Variants in GPC5 observed in about 807,000 individuals in gnomAD.
GPC5 encodes glypican-5.
A neutral mutation model predicts 53.9 loss-of-function variants in GPC5; 47 were observed. That is an observed-to-expected ratio of 0.87 (90% confidence interval 0.69 to 1.11). The LOEUF (loss-of-function observed/expected upper bound fraction) is 1.11, where lower values mean the gene tolerates loss of function less well. GPC5 is among the 50% of genes most tolerant of loss of function. GPC5 has a pLI of 0.00. For synonymous variants in GPC5, 286 were observed against 263.3 expected, an observed-to-expected ratio of 1.09 and a Z score of -0.84; for missense variants, 748 against 713.1, an observed-to-expected ratio of 1.05 and a Z score of -0.56.
At chr13:92,372,096 T>C (rs917529944) in intron 7 of GPC5, among the ~76,000 whole-genome samples, 1 of 152,146 alleles carries the variant, frequency 6.6e-6, no homozygotes, top group African/African-American at 2.4e-5. Flanking sequence ...CTCCCCTAGG[T>C]TCTCCAGAGA....
rs76645255 is a variant in GPC5, at chr13:91,722,357, T to C, written c.1021-6175T>C. ...AAAAGACTAGATTTTTCTGAAGATTTCTCATATCTAAGCACTTGTCACTTG... is the reference window on the plus strand; with the variant it reads ...AAAAGACTAGATTTTTCTGAAGATTCCTCATATCTAAGCACTTGTCACTTG... On this transcript the variant is annotated intron_variant, in intron 3 of 7. Coordinates refer to ENST00000377067, the MANE Select transcript of GPC5 (RefSeq NM_004466.6). 3.9e-3 allele frequency among the ~76,000 whole-genome samples: 590 copies of C among 152,310 alleles called. 5 individuals carry two copies. Among genetic ancestry groups the C allele is most frequent in the African/African-American group, 0.013 (555 of 41,562 alleles).
intron 7 of GPC5, among the ~76,000 whole-genome samples, chr13:92,454,690 T>C (rs1260851939): frequency 1.3e-5 from 2 of 152,176 alleles, no homozygotes; most frequent in Non-Finnish European, 2.9e-5. Flanking sequence ...ATACTTGGTG[T>C]CTAGTTATGG....
At chr13:92,014,454 A>G (rs778465854) in intron 6 of GPC5, among the ~76,000 whole-genome samples, 1 of 152,210 alleles carries the variant, frequency 6.6e-6, no homozygotes, top group Non-Finnish European at 1.5e-5. Context: ...TGTGAAAGGA[A>G]TTTCTGGTAT....
chr13:91,709,989 A>G (rs762691016), intron 3 of GPC5, among the ~76,000 whole-genome samples: 10 of 152,158 alleles, frequency 6.6e-5, no homozygotes, highest in Non-Finnish European at 1.5e-4. Flanking sequence ...ATCTCATTCC[A>G]AGTCTCCTGA....
At chr13:92,613,339 TATTTATATATAA>T (rs1566320070) in intron 7 of GPC5, among the ~76,000 whole-genome samples, 17 of 103,776 alleles carry the variant, frequency 1.6e-4, no homozygotes, top group Middle Eastern at 4.7e-3. Flanking sequence ...TAATATAATA[TATTTATATATAA>T]ATATATAATA....
chr13:92,359,793 C>T (rs2043551276), intron 7 of GPC5, among the ~76,000 whole-genome samples: 1 of 151,622 alleles, frequency 6.6e-6, no homozygotes. Flanking sequence ...ATCACGAGAA[C>T]AGCAAGGAAG....
At chr13:92,419,935 A>AG (rs1411884092) in intron 7 of GPC5, among the ~76,000 whole-genome samples, 11 of 152,144 alleles carry the variant, frequency 7.2e-5, no homozygotes, top group Non-Finnish European at 1.3e-4. Flanking sequence ...AATAGCCTGA[A>AG]GCCCTACCTT....
intron 7 of GPC5, among the ~76,000 whole-genome samples, chr13:92,480,868 C>T (rs1011331316): frequency 1.3e-5 from 2 of 152,014 alleles, no homozygotes; most frequent in Admixed American, 6.6e-5. Context: ...GGAGATTTGG[C>T]GAGGGAGGTG....
chr13:91,531,582 G>A (rs116882317), intron 2 of GPC5, among the ~76,000 whole-genome samples: 4,774 of 152,216 alleles, frequency 0.031, 104 homozygotes, highest in Middle Eastern at 0.068. Flanking sequence ...GGAGTGTGCC[G>A]TTATTAAGTA....
intron 6 of GPC5, among the ~76,000 whole-genome samples, chr13:91,959,057 AAC>A (rs147785443): frequency 0.1 from 13,074 of 127,484 alleles, 801 homozygotes; most frequent in African/African-American, 0.19. Context: ...GAATGGAGAC[AAC>A]ACACACACAC....
chr13:92,544,413 G>T (rs1248356638), intron 7 of GPC5, among the ~76,000 whole-genome samples: 1 of 152,154 alleles, frequency 6.6e-6, no homozygotes, highest in Non-Finnish European at 1.5e-5. Flanking sequence ...TTGCTCAAAG[G>T]AGTATTTAAA....
chr13:91,459,291 T>C (rs999230058), intron 2 of GPC5, among the ~76,000 whole-genome samples: 3 of 151,946 alleles, frequency 2.0e-5, no homozygotes, highest in Non-Finnish European at 2.9e-5. Context: ...CAAGACCCTG[T>C]CTTAAAAAAT....
At chr13:91,867,629 G>T (rs936057882) in intron 5 of GPC5, among the ~76,000 whole-genome samples, 1 of 152,146 alleles carries the variant, frequency 6.6e-6, no homozygotes, top group Non-Finnish European at 1.5e-5. Context: ...GTTTCCTTGT[G>T]ATTTAATCAA....
intron 6 of GPC5, among the ~76,000 whole-genome samples, chr13:92,129,834 G>A (rs1293927526): frequency 6.6e-6 from 1 of 152,036 alleles, no homozygotes; most frequent in Non-Finnish European, 1.5e-5. Flanking sequence ...AAGACATGAG[G>A]CACAGTCAAA....
intron 7 of GPC5, among the ~76,000 whole-genome samples, chr13:92,385,409 C>CTTATAT: frequency 1.5e-5 from 1 of 68,508 alleles, no homozygotes; most frequent in African/African-American, 5.6e-5. Flanking sequence ...CACATATATA[C>CTTATAT]ACATATATAT....
chr13:92,544,973 G>T (rs546718740), intron 7 of GPC5, among the ~76,000 whole-genome samples: 1 of 151,690 alleles, frequency 6.6e-6, no homozygotes, highest in African/African-American at 2.4e-5. Context: ...CAACGTGCAG[G>T]TTTGTTACAT....
chr13:92,072,785 G>A (rs1357258755), intron 6 of GPC5, among the ~76,000 whole-genome samples: 1 of 151,880 alleles, frequency 6.6e-6, no homozygotes, highest in African/African-American at 2.4e-5. Context: ...TGGCCAGGCT[G>A]GTCTTGAATT....
intron 7 of GPC5, among the ~76,000 whole-genome samples, chr13:92,361,576 T>G (rs1338610135): frequency 6.6e-6 from 1 of 151,538 alleles, no homozygotes; most frequent in Non-Finnish European, 1.5e-5. Flanking sequence ...AGTACATCAG[T>G]GTCTGAGGAG....
intron 6 of GPC5, among the ~76,000 whole-genome samples, chr13:91,930,244 GAA>G (rs138778531): frequency 6.6e-6 from 1 of 151,326 alleles, no homozygotes; most frequent in Non-Finnish European, 1.5e-5. Flanking sequence ...TAAATCAAGA[GAA>G]AAAAGAACAC....
Sources: gnomAD v4.1 joint callset for allele counts (sites outside exome capture counted in the v4.1 genomes callset) on GRCh38, gnomAD v4.1.1 for gene constraint, MANE v1.5 for transcripts, NCBI Gene and HGNC (gene_info 2026-07-23, HGNC 2026-07-21) for gene names.